RCN1: variants seen among roughly 807,000 people sequenced by gnomAD.
The protein encoded by RCN1 is reticulocalbin 1.
A neutral mutation model predicts 34.7 loss-of-function variants in RCN1; 14 were observed. That is an observed-to-expected ratio of 0.40 (90% CI 0.27 to 0.63). The LOEUF is 0.63. Among genes scored for constraint, RCN1 ranks in the 30% least tolerant of loss-of-function variants. RCN1 has a pLI of 0.37. For synonymous variants in RCN1, 125 were observed against 165.5 expected, an observed-to-expected ratio of 0.76 and a Z score of 1.88; for missense variants, 326 against 425.1, an observed-to-expected ratio of 0.77 and a Z score of 2.05.
At chr11:32,097,091 T>C (rs943556806) in intron 1 of RCN1, 53 bp from the exon 2 acceptor site, 17 of 1,388,654 alleles carry the variant, frequency 1.2e-5, no homozygotes, top group Non-Finnish European at 1.6e-5. Flanking sequence ...CTTGATAATA[T>C]AACAGCCTTG....
Position 32,091,194 on chromosome 11 carries a change from A to G in RCN1, c.-3A>G. On this transcript the variant is annotated 5_prime_UTR_variant, in exon 1 of 6. Transcript: ENST00000054950. The stretch of plus-strand genomic sequence containing the variant: ...CCCTCTCGGCCGCCCTCTCCTCGGG[A>G]CGATGGCGCGCGGTGGCCGCGGCCG... 7.0e-7 allele frequency: 1 copy of G among 1,430,680 alleles called. No individual in the cohort carries two copies. Among genetic ancestry groups the G allele is most frequent in the South Asian group, 1.5e-5 (1 of 65,026 alleles). 88.6% of individuals were successfully genotyped at this position (1,430,680 alleles called of 1,614,324 possible). A position where few individuals can be genotyped will look rare whatever the true frequency, so the allele number is the denominator to read the frequency against.
At chr11:32,103,553 C>G in intron 5 of RCN1, 73 bp downstream of exon 5, 1 of 1,354,228 alleles carries the variant, frequency 7.4e-7, no homozygotes. Flanking sequence ...TTTGCTTTTT[C>G]GGCGATAGCA....
At chr11:32,100,274 C>T (rs1337863727) in intron 3 of RCN1, among the ~76,000 whole-genome samples, 1 of 152,128 alleles carries the variant, frequency 6.6e-6, no homozygotes, top group Admixed American at 6.5e-5. Flanking sequence ...CCTGGCAGGG[C>T]CTCCTGATAT....
In RCN1 at chr11:32,103,330, A is replaced by T. The variant is rs745410992; in HGVS notation, c.738A>T (p.Leu246Phe). ...EENGPEPDWV[L>F]SEREQFNEFR... Reference sequence around the variant, plus strand: ...ATGGCCCTGAGCCAGACTGGGTTTTATCAGAACGGGAGCAGTTTAACGAAT... The same window carrying T: ...ATGGCCCTGAGCCAGACTGGGTTTTTTCAGAACGGGAGCAGTTTAACGAAT... Residue 246 changes from leucine (L) to phenylalanine (F), a missense_variant, in exon 5 of 6, where the codon TTA becomes TTT. By Grantham distance (22) the Leu-to-Phe change is conservative. Transcript: ENST00000054950. 4 of 1,614,088 alleles carry T rather than the reference A, an allele frequency of 2.5e-6. No individual in the cohort carries two copies. The highest frequency in any genetic ancestry group is 1.6e-4 in the Middle Eastern group (1 of 6,062).
intron 4 of RCN1, chr11:32,102,218 G>A (rs182177962): frequency 4.6e-5 from 7 of 151,906 alleles, no homozygotes; most frequent in Non-Finnish European, 8.8e-5. Flanking sequence ...TGTGACCCTG[G>A]GGTAATCATG....
chr11:32,095,057 C>T (rs1851957288), intron 1 of RCN1, among the ~76,000 whole-genome samples: 1 of 152,108 alleles, frequency 6.6e-6, no homozygotes, highest in Admixed American at 6.5e-5. Flanking sequence ...ATGTCATTAC[C>T]CTGAGATTAT....
intron 1 of RCN1, among the ~76,000 whole-genome samples, chr11:32,095,612 G>A (rs1017658666): frequency 1.4e-4 from 22 of 152,178 alleles, no homozygotes; most frequent in African/African-American, 5.3e-4. Context: ...GTTTCACCGT[G>A]TTAGCCAGGA....
At chr11:32,102,460 C>T (rs970111758) in intron 4 of RCN1, 12 of 152,452 alleles carry the variant, frequency 7.9e-5, no homozygotes, top group African/African-American at 2.6e-4. Flanking sequence ...GCTCTGCTTC[C>T]GTGACAGAGA....
chr11:32,100,407 T>C (rs1445679252), intron 3 of RCN1, 141 bp from the exon 4 acceptor site: 1 of 662,330 alleles, frequency 1.5e-6, no homozygotes, highest in Non-Finnish European at 2.7e-6. Flanking sequence ...GATAAAAAAC[T>C]AGTTCCCAGG....
intron 3 of RCN1, among the ~76,000 whole-genome samples, chr11:32,099,497 G>A (rs939501432): frequency 1.3e-5 from 2 of 152,188 alleles, no homozygotes; most frequent in African/African-American, 4.8e-5. Flanking sequence ...CCCTTAGCGG[G>A]TGGGTCTTTG....
chr11:32,092,769 T>G (rs1273109600), intron 1 of RCN1, among the ~76,000 whole-genome samples: 1 of 152,124 alleles, frequency 6.6e-6, no homozygotes, highest in East Asian at 1.9e-4. Context: ...TCCCTGAACC[T>G]GATTCCTGGG....
chr11:32,092,697 G>A (rs1388599302), intron 1 of RCN1, among the ~76,000 whole-genome samples: 6 of 152,192 alleles, frequency 3.9e-5, no homozygotes, highest in Non-Finnish European at 1.5e-5. Context: ...CCTGGTCCCA[G>A]ATGGAGGCAG....
rs762584275 is a variant in RCN1 at position 32,100,631 on chromosome 11, G to C, written c.688+23G>C. 2.5e-6 allele frequency: 4 copies of C among 1,605,050 alleles called. No homozygotes were observed. In the South Asian group the frequency reaches 4.4e-5, roughly 18 times the overall value. ...TTGGTGAGTACTGACCTAGAGTCTT[G>C]CTCAGCTGTCCTGACTGGGCCACAT... On this transcript the variant is annotated intron_variant, in intron 4 of 5. Coordinates refer to ENST00000054950, the MANE Select transcript of RCN1 (RefSeq NM_002901.4).
At chr11:32,104,279 T>C (rs1338595226) in intron 5 of RCN1, 86 bp from the exon 6 acceptor site, 2 of 788,936 alleles carry the variant, frequency 2.5e-6, no homozygotes, top group African/African-American at 3.4e-5. Context: ...TTAAATGTTG[T>C]ACATCAGTGA....
Position 32,100,625 on chromosome 11 carries a change from A to G in RCN1, c.688+17A>G. 1 of 1,608,484 alleles carries G rather than the reference A, an allele frequency of 6.2e-7. No homozygotes were observed. The highest frequency in any genetic ancestry group is 8.5e-7 in the Non-Finnish European group (1 of 1,175,050). ...AGTATATTGGTGAGTACTGACCTAG[A>G]GTCTTGCTCAGCTGTCCTGACTGGG... On this transcript the variant is annotated intron_variant, in intron 4 of 5. Transcript: ENST00000054950.
At chr11:32,094,790 A>G (rs1851954666) in intron 1 of RCN1, among the ~76,000 whole-genome samples, 1 of 152,208 alleles carries the variant, frequency 6.6e-6, no homozygotes, top group Non-Finnish European at 1.5e-5. Context: ...CACTTGCCCA[A>G]GATCACGCAG....
intron 5 of RCN1, 23 bp downstream of exon 5, chr11:32,103,503 C>T: frequency 1.3e-6 from 2 of 1,598,218 alleles, no homozygotes; most frequent in Non-Finnish European, 1.7e-6. Context: ...CTTCTGGAAT[C>T]ACTGATTGAA....
intron 2 of RCN1, 40 bp from the exon 3 acceptor site, chr11:32,098,310 G>A (rs115053498): frequency 1.1e-5 from 17 of 1,558,256 alleles, no homozygotes; most frequent in African/African-American, 2.7e-5. Flanking sequence ...TTTCTTGACC[G>A]CACGGTTTAA....
intron 1 of RCN1, among the ~76,000 whole-genome samples, chr11:32,095,262 A>C (rs992895539): frequency 1.7e-4 from 19 of 108,834 alleles, no homozygotes; most frequent in African/African-American, 6.2e-4. Flanking sequence ...TTTTTTTTTT[A>C]AAGACAGGGT....
Sources: gnomAD v4.1 joint callset for allele counts (sites outside exome capture counted in the v4.1 genomes callset) on GRCh38, gnomAD v4.1.1 for gene constraint, MANE v1.5 for transcripts, NCBI Gene and HGNC (gene_info 2026-07-23, HGNC 2026-07-21) for gene names.